TBC1D4: variants seen among roughly 807,000 people sequenced by gnomAD.
The protein encoded by TBC1D4 is TBC1 domain family member 4.
Under a neutral mutation model 142.5 loss-of-function variants are expected in TBC1D4, and 121 were observed. That is an observed-to-expected ratio of 0.85 (90% confidence interval 0.73 to 0.99). The LOEUF is 0.99. Ranked by LOEUF, TBC1D4 falls within the 50% of genes least tolerant of loss-of-function variation. The probability of loss-of-function intolerance (pLI) is 0.00; values close to 1 mark genes in which losing one functional copy is unlikely to be tolerated. For missense variants in TBC1D4, 1,475 were observed against 1,606.6 expected, an observed-to-expected ratio of 0.92 and a Z score of 1.40; for synonymous variants, 630 against 628.2, an observed-to-expected ratio of 1.00 and a Z score of -0.04.
At chr13:75,418,827 C>A (rs1419124558) in intron 1 of TBC1D4, among the ~76,000 whole-genome samples, 1 of 152,140 alleles carries the variant, frequency 6.6e-6, no homozygotes, top group African/African-American at 2.4e-5. Flanking sequence ...TATTCACTCC[C>A]TACTCTCTGC....
At chr13:75,329,407 C>T (rs1879559565) in intron 8 of TBC1D4, among the ~76,000 whole-genome samples, 1 of 151,708 alleles carries the variant, frequency 6.6e-6, no homozygotes, top group Non-Finnish European at 1.5e-5. Context: ...CCCTTCCCTC[C>T]CCTCACGTCT....
intron 1 of TBC1D4, among the ~76,000 whole-genome samples, chr13:75,428,977 T>C (rs564963480): frequency 2.0e-5 from 3 of 151,970 alleles, no homozygotes; most frequent in East Asian, 1.9e-4. Context: ...GAGGTAAGAG[T>C]GAATTAACTG....
chr13:75,338,673 T>C (rs974950115), intron 7 of TBC1D4, among the ~76,000 whole-genome samples: 2 of 152,154 alleles, frequency 1.3e-5, no homozygotes, highest in Non-Finnish European at 2.9e-5. Flanking sequence ...TATACTCAAA[T>C]TCCTCTATAG....
At chr13:75,460,850 G>A (rs2138280740) in intron 1 of TBC1D4, among the ~76,000 whole-genome samples, 1 of 152,244 alleles carries the variant, frequency 6.6e-6, no homozygotes, top group East Asian at 1.9e-4. Context: ...TTGAGCCTGG[G>A]AGGTCAAGGC....
At chr13:75,452,924 C>T (rs1887589007) in intron 1 of TBC1D4, among the ~76,000 whole-genome samples, 2 of 152,030 alleles carry the variant, frequency 1.3e-5, no homozygotes, top group African/African-American at 2.4e-5. Context: ...CAGGGGATAG[C>T]GTCTCGAGGG....
At chr13:75,472,024 T>G (rs1273700419) in intron 1 of TBC1D4, among the ~76,000 whole-genome samples, 1 of 150,474 alleles carries the variant, frequency 6.6e-6, no homozygotes, top group Non-Finnish European at 1.5e-5. Flanking sequence ...GGAGAATCAC[T>G]TGAACCCAGT....
intron 11 of TBC1D4, among the ~76,000 whole-genome samples, chr13:75,321,099 CT>C (rs934246427): frequency 1.3e-5 from 2 of 151,366 alleles, no homozygotes; most frequent in Non-Finnish European, 2.9e-5. Context: ...CTATTCCCTA[CT>C]TGACTATGCA....
chr13:75,454,618 C>T (rs1261058097), intron 1 of TBC1D4, among the ~76,000 whole-genome samples: 1 of 152,088 alleles, frequency 6.6e-6, no homozygotes, highest in African/African-American at 2.4e-5. Context: ...CTGCAGAAAA[C>T]ATATAGAAAC....
chr13:75,319,307 T>C (rs1023404802), intron 12 of TBC1D4, among the ~76,000 whole-genome samples: 2 of 152,232 alleles, frequency 1.3e-5, no homozygotes, highest in Non-Finnish European at 2.9e-5. Flanking sequence ...AAGATGGGCA[T>C]GTATCTTTTT....
At chr13:75,318,068 A>C (rs1878460995) in intron 12 of TBC1D4, among the ~76,000 whole-genome samples, 1 of 152,244 alleles carries the variant, frequency 6.6e-6, no homozygotes, top group South Asian at 2.1e-4. Flanking sequence ...TTATTTTAAC[A>C]TAGAATTGTA....
chr13:75,436,520 G>A (rs1372051743), intron 1 of TBC1D4, among the ~76,000 whole-genome samples: 3 of 151,984 alleles, frequency 2.0e-5, no homozygotes, highest in Non-Finnish European at 2.9e-5. Flanking sequence ...ACCAGGTGTG[G>A]TGGTGCATGC....
intron 1 of TBC1D4, among the ~76,000 whole-genome samples, chr13:75,388,050 A>C (rs1393774107): frequency 1.3e-5 from 2 of 152,162 alleles, no homozygotes; most frequent in African/African-American, 4.8e-5. Context: ...AAAGACATGC[A>C]AATTCCCAGC....
chr13:75,383,703 A>G (rs1172098638), intron 1 of TBC1D4, among the ~76,000 whole-genome samples: 1 of 148,568 alleles, frequency 6.7e-6, no homozygotes, highest in Non-Finnish European at 1.5e-5. Context: ...GTATGTACAT[A>G]TGTACAGGAA....
intron 1 of TBC1D4, among the ~76,000 whole-genome samples, chr13:75,436,013 A>T (rs1474161059): frequency 6.6e-6 from 1 of 152,148 alleles, no homozygotes; most frequent in Non-Finnish European, 1.5e-5. Context: ...TCTCATGTTG[A>T]ATTGTAGCTC....
Position 75,306,333 on chromosome 13 carries a change from A to G in TBC1D4, c.2732T>C (p.Ile911Thr), listed in dbSNP as rs768545937. 1 of 1,612,004 alleles carries G rather than the reference A, an allele frequency of 6.2e-7. No individual in the cohort carries two copies. Among genetic ancestry groups the G allele is most frequent in the Non-Finnish European group, 8.5e-7 (1 of 1,179,588 alleles). ...RAKIRCDMED[I>T]HTLLKEGVPK... ...AATACCTTCTTTAAGAAGAGTATGA[A>G]TATCTTCCATATCACATCTGATTTT... The change falls in exon 15 of 21, where the codon ATT (isoleucine) becomes ACT (threonine). Residue 911 changes from isoleucine (I) to threonine (T), a missense_variant. Ile to Thr is a moderately conservative substitution (Grantham distance 89). Around this residue, in one of 2 missense-constraint regions of TBC1D4, gnomAD observed 1,227 missense variants for 1,267.7 expected, o/e 0.97. Coordinates refer to ENST00000377636, the MANE Select transcript of TBC1D4 (RefSeq NM_014832.5).
At chr13:75,447,683 T>C (rs1183158353) in intron 1 of TBC1D4, among the ~76,000 whole-genome samples, 1 of 152,014 alleles carries the variant, frequency 6.6e-6, no homozygotes, top group South Asian at 2.1e-4. Context: ...GCAGGTGAGG[T>C]AGCAAACCTT....
chr13:75,308,833 G>A (rs1447439466), intron 14 of TBC1D4, among the ~76,000 whole-genome samples: 1 of 152,156 alleles, frequency 6.6e-6, no homozygotes, highest in East Asian at 1.9e-4. Flanking sequence ...AAAAGAAGAT[G>A]TATTTCCAAA....
chr13:75,433,625 T>C (rs1886677056), intron 1 of TBC1D4, among the ~76,000 whole-genome samples: 1 of 152,140 alleles, frequency 6.6e-6, no homozygotes. Context: ...TCTATTCTAA[T>C]ACACACAATA....
intron 17 of TBC1D4, among the ~76,000 whole-genome samples, chr13:75,296,744 A>G (rs1412154512): frequency 6.6e-6 from 1 of 152,234 alleles, no homozygotes; most frequent in African/African-American, 2.4e-5. Context: ...CAAAAACTTC[A>G]GAGGAAAAGA....
Sources: gnomAD v4.1 joint callset for allele counts (sites outside exome capture counted in the v4.1 genomes callset) on GRCh38, gnomAD v4.1.1 for gene constraint, gnomAD v4.1.1 regional missense constraint, MANE v1.5 for transcripts, NCBI Gene and HGNC (gene_info 2026-07-23, HGNC 2026-07-21) for gene names.